The following GPHN variants were observed in gnomAD, a reference collection of about 807,000 sequenced individuals.
GPHN encodes gephyrin.
In GPHN, 17 loss-of-function variants were observed where a neutral mutation model predicts 95.5. The ratio of observed to expected loss-of-function variants is 0.18; its 90% CI spans 0.12 to 0.27. The LOEUF is 0.27. Among genes scored for constraint, GPHN ranks in the 10% least tolerant of loss-of-function variants. GPHN has a pLI of 1.00. For missense variants in GPHN, 660 were observed against 978.1 expected, an observed-to-expected ratio of 0.67 and a Z score of 4.34; for synonymous variants, 320 against 322.5, an observed-to-expected ratio of 0.99 and a Z score of 0.08.
chr14:66,725,095 A>G (rs932850089), intron 2 of GPHN, among the ~76,000 whole-genome samples: 1 of 152,200 alleles, frequency 6.6e-6, no homozygotes. Flanking sequence ...ACAAGAATAC[A>G]GACTCACCTC....
chr14:67,491,629 G>A, the GPHN span, among the ~76,000 whole-genome samples: 9 of 152,194 alleles, frequency 5.9e-5, no homozygotes, highest in Non-Finnish European at 1.3e-4. Flanking sequence ...CCTGACCCAG[G>A]TGCCCACAAA....
chr14:67,108,957 G>C (rs929627518), intron 13 of GPHN, among the ~76,000 whole-genome samples: 1 of 151,896 alleles, frequency 6.6e-6, no homozygotes, highest in Non-Finnish European at 1.5e-5. Flanking sequence ...TATGTTGTTG[G>C]GCAATTTTCT....
At chr14:67,507,050 T>C in the GPHN span, among the ~76,000 whole-genome samples, 1 of 152,102 alleles carries the variant, frequency 6.6e-6, no homozygotes, top group Non-Finnish European at 1.5e-5. Context: ...AGCCTAGCCA[T>C]AGCCCAATTC....
chr14:67,464,702 G>A, the GPHN span, among the ~76,000 whole-genome samples: 1 of 152,176 alleles, frequency 6.6e-6, no homozygotes, highest in Non-Finnish European at 1.5e-5. Context: ...GACCTTTTGG[G>A]GCTACCCAGT....
the GPHN span, among the ~76,000 whole-genome samples, chr14:67,379,599 A>G: frequency 4.6e-3 from 684 of 149,682 alleles, 2 homozygotes; most frequent in Non-Finnish European, 6.8e-3. Context: ...ATTAAGCCTG[A>G]TGCTTGCTCA....
chr14:67,226,901 G>C, the GPHN span, among the ~76,000 whole-genome samples: 4 of 152,116 alleles, frequency 2.6e-5, no homozygotes, highest in African/African-American at 9.7e-5. Context: ...GGCATACAGG[G>C]TGACACGTGC....
intron 1 of GPHN, among the ~76,000 whole-genome samples, chr14:66,591,283 A>G (rs1484745732): frequency 6.6e-6 from 1 of 152,276 alleles, no homozygotes; most frequent in African/African-American, 2.4e-5. Flanking sequence ...CCTATTCAAC[A>G]TAGTATTGGA....
the GPHN span, chr14:67,353,605 A>T: frequency 6.6e-6 from 1 of 152,376 alleles, no homozygotes; most frequent in East Asian, 1.9e-4. Context: ...CTCCCACCCC[A>T]GCCTCCCAAG....
At chr14:67,089,722 C>T (rs1208429509) in intron 12 of GPHN, among the ~76,000 whole-genome samples, 1 of 152,116 alleles carries the variant, frequency 6.6e-6, no homozygotes, top group Non-Finnish European at 1.5e-5. Context: ...TCATGAAAAG[C>T]GGACATGAGG....
At chr14:66,963,399 G>T (rs750685649) in intron 8 of GPHN, among the ~76,000 whole-genome samples, 2 of 151,988 alleles carry the variant, frequency 1.3e-5, no homozygotes, top group Non-Finnish European at 2.9e-5. Flanking sequence ...TGCTTCATTA[G>T]ATATTGGACA....
At chr14:66,652,489 A>C (rs985120115) in intron 1 of GPHN, among the ~76,000 whole-genome samples, 1 of 151,332 alleles carries the variant, frequency 6.6e-6, no homozygotes. Context: ...GACACAAAGA[A>C]ACATTAAATG....
At chr14:66,547,609 C>G (rs2059649147) in intron 1 of GPHN, among the ~76,000 whole-genome samples, 1 of 151,984 alleles carries the variant, frequency 6.6e-6, no homozygotes, top group Non-Finnish European at 1.5e-5. Context: ...TTTTGTTATG[C>G]CAGTATTATA....
chr14:67,508,434 C>T, the GPHN span, among the ~76,000 whole-genome samples: 2 of 152,076 alleles, frequency 1.3e-5, no homozygotes, highest in Admixed American at 6.5e-5. Flanking sequence ...TTGCATCACA[C>T]GCCCAGAGTC....
At chr14:67,089,911 A>AT (rs1195813631) in intron 12 of GPHN, among the ~76,000 whole-genome samples, 2 of 152,080 alleles carry the variant, frequency 1.3e-5, no homozygotes, top group Non-Finnish European at 2.9e-5. Context: ...ACTGTTGTTG[A>AT]TTTTTTTGGT....
At position 66,922,979 on chromosome 14, in the gene GPHN, C is replaced by T. The variant is rs772805765; in HGVS notation, c.729+41C>T. The T allele has an allele frequency of 1.7e-5, 27 of 1,548,694 alleles. No individual in the cohort carries two copies. The South Asian group carries it at 3.0e-4, about 17-fold the overall frequency. On this transcript the variant is annotated intron_variant, in intron 7 of 22. Transcript: ENST00000478722. Reference sequence around the variant, plus strand: ...GTTACTCAGAGGCCTAAAGGACCCACAGGTAAATGTACTGGTTTCATCTGT... The same window carrying T: ...GTTACTCAGAGGCCTAAAGGACCCATAGGTAAATGTACTGGTTTCATCTGT...
At chr14:66,989,182 T>C (rs940392720) in intron 9 of GPHN, among the ~76,000 whole-genome samples, 7 of 152,026 alleles carry the variant, frequency 4.6e-5, no homozygotes, top group African/African-American at 1.4e-4. Flanking sequence ...TCTGCACATA[T>C]TCTTATAGAA....
At chr14:67,683,606 A>T in the GPHN span, among the ~76,000 whole-genome samples, 2 of 152,232 alleles carry the variant, frequency 1.3e-5, no homozygotes, top group African/African-American at 4.8e-5. Flanking sequence ...TTTGCCTCTA[A>T]TCAAAAGAGT....
chr14:66,751,149 G>A (rs1296738565), intron 2 of GPHN, among the ~76,000 whole-genome samples: 1 of 151,932 alleles, frequency 6.6e-6, no homozygotes, highest in African/African-American at 2.4e-5. Flanking sequence ...GTGCTGCAGT[G>A]AACCTACACA....
the GPHN span, among the ~76,000 whole-genome samples, chr14:67,558,166 A>G: frequency 6.6e-6 from 1 of 152,030 alleles, no homozygotes; most frequent in African/African-American, 2.4e-5. Flanking sequence ...CACCAACTCC[A>G]TCCCAGTTCT....
Sources: gnomAD v4.1 joint callset for allele counts (sites outside exome capture counted in the v4.1 genomes callset) on GRCh38, gnomAD v4.1.1 for gene constraint, MANE v1.5 for transcripts, NCBI Gene and HGNC (gene_info 2026-07-23, HGNC 2026-07-21) for gene names.